Variants in MIPEP observed in about 807,000 individuals in gnomAD.
MIPEP encodes the protein mitochondrial intermediate peptidase.
In MIPEP, 79 loss-of-function variants were observed where a neutral mutation model predicts 90.3. That is an observed-to-expected ratio of 0.87 (90% confidence interval 0.73 to 1.05). MIPEP has a LOEUF of 1.05. Among genes scored for constraint, MIPEP ranks in the 50% least tolerant of loss-of-function variants. The pLI, the probability that MIPEP is intolerant of heterozygous loss-of-function variation, is 0.00. For synonymous variants in MIPEP, 334 were observed against 315.8 expected (o/e 1.06, Z -0.61); for missense variants, 940 against 905.6 (o/e 1.04, Z -0.49).
chr13:23,790,590 G>C (rs982174175), intron 16 of MIPEP, among the ~76,000 whole-genome samples: 1 of 15,998 alleles, frequency 6.3e-5, no homozygotes, highest in Non-Finnish European at 2.2e-4. Context: ...AGTAGAAGGA[G>C]GGGGAGGCAA....
At position 23,753,801 on chromosome 13, in the gene MIPEP, C is replaced by T. The variant is rs1374256308; in HGVS notation, c.2044+2744G>A. Among the ~76,000 whole-genome samples, 3 of 152,176 alleles carry T rather than the reference C, an allele frequency of 2.0e-5. No individual in the cohort carries two copies. In the East Asian group the frequency reaches 5.8e-4, roughly 29 times the overall value. ...ACTCATTCTGAAAAAGACAAATAAT[C>T]TAAAAGTTTGCCTATGTAGAACTTA... On this transcript the variant is annotated intron_variant, in intron 18 of 18. Coordinates refer to ENST00000382172, the MANE Select transcript of MIPEP (RefSeq NM_005932.4).
chr13:23,776,501 C>T (rs1952718286), intron 16 of MIPEP, among the ~76,000 whole-genome samples: 1 of 152,176 alleles, frequency 6.6e-6, no homozygotes, highest in Non-Finnish European at 1.5e-5. Context: ...TAATAGTGTT[C>T]TCACAGCACT....
At chr13:23,861,626 G>A (rs970183497) in intron 9 of MIPEP, among the ~76,000 whole-genome samples, 1 of 152,102 alleles carries the variant, frequency 6.6e-6, no homozygotes, top group Non-Finnish European at 1.5e-5. Context: ...ACTAAGTCAA[G>A]AACTAATAAC....
chr13:23,834,421 T>C (rs1868926823), intron 14 of MIPEP, among the ~76,000 whole-genome samples: 1 of 152,148 alleles, frequency 6.6e-6, no homozygotes, highest in African/African-American at 2.4e-5. Context: ...TCTCCTGGGC[T>C]TTGCCTTCGG....
At chr13:23,792,170 AC>A (rs1216142005) in intron 16 of MIPEP, among the ~76,000 whole-genome samples, 1 of 152,064 alleles carries the variant, frequency 6.6e-6, no homozygotes, top group East Asian at 1.9e-4. Flanking sequence ...TCCCATTTAT[AC>A]TTACTCTTGG....
chr13:23,806,116 A>G (rs1241248531), intron 15 of MIPEP, 47 bp from the exon 16 acceptor site: 5 of 1,607,776 alleles, frequency 3.1e-6, no homozygotes, highest in Non-Finnish European at 4.2e-6. Flanking sequence ...CCATCCTCAC[A>G]TCAAGATGTG....
intron 16 of MIPEP, among the ~76,000 whole-genome samples, chr13:23,782,771 GA>G (rs1952794390): frequency 2.0e-5 from 3 of 152,100 alleles, no homozygotes; most frequent in Admixed American, 6.6e-5. Flanking sequence ...TGATAAAGGG[GA>G]TATCTCCACC....
intron 18 of MIPEP, among the ~76,000 whole-genome samples, chr13:23,749,114 G>A (rs1280763329): frequency 1.3e-5 from 2 of 152,166 alleles, no homozygotes; most frequent in African/African-American, 2.4e-5. Context: ...AGTGCTATAA[G>A]ACAATGTAAA....
At chr13:23,883,189 G>T (rs1435287611) in intron 2 of MIPEP, among the ~76,000 whole-genome samples, 2 of 151,338 alleles carry the variant, frequency 1.3e-5, no homozygotes, top group Non-Finnish European at 2.9e-5. Flanking sequence ...TATACCCAGA[G>T]AACTACATAT....
At chr13:23,854,918 C>T (rs1471158547) in intron 10 of MIPEP, among the ~76,000 whole-genome samples, 7 of 150,008 alleles carry the variant, frequency 4.7e-5, no homozygotes, top group African/African-American at 1.7e-4. Context: ...AAACAATAAA[C>T]AAACAAACAA....
At chr13:23,743,964 CTATTA>C (rs1347559454) in intron 18 of MIPEP, among the ~76,000 whole-genome samples, 1 of 152,186 alleles carries the variant, frequency 6.6e-6, no homozygotes, top group African/African-American at 2.4e-5. Flanking sequence ...ATTTACTTGG[CTATTA>C]TTCTGGGCTG....
intron 17 of MIPEP, 125 bp from the exon 18 acceptor site, chr13:23,756,743 G>T: frequency 1.2e-6 from 1 of 865,828 alleles, no homozygotes; most frequent in Non-Finnish European, 1.8e-6. Context: ...TGACAATTTG[G>T]CCCCTATTTT....
At position 23,737,243 on chromosome 13, in the gene MIPEP, C is replaced by T. The variant is rs117612579; in HGVS notation, c.2045-6798G>A. ...CAGGGCCGTAGTCTGGTACTGCCAACGGTGGCTTGGCCCAGCTGTGACCGG... is the reference window on the plus strand; with the variant it reads ...CAGGGCCGTAGTCTGGTACTGCCAATGGTGGCTTGGCCCAGCTGTGACCGG... On this transcript the variant is annotated intron_variant, in intron 18 of 18. Transcript: ENST00000382172. 5.8e-4 allele frequency among the ~76,000 whole-genome samples: 89 copies of T among 152,328 alleles called. 1 individual carries two copies. In the East Asian group the frequency reaches 0.011, roughly 19 times the overall value.
At chr13:23,825,277 T>G (rs931740211) in intron 14 of MIPEP, among the ~76,000 whole-genome samples, 7 of 152,216 alleles carry the variant, frequency 4.6e-5, no homozygotes, top group Non-Finnish European at 8.8e-5. Flanking sequence ...AACCTAAATC[T>G]GCCAAAGTTA....
intron 18 of MIPEP, among the ~76,000 whole-genome samples, chr13:23,751,542 CAG>C (rs1437575077): frequency 6.6e-6 from 1 of 152,118 alleles, no homozygotes; most frequent in Non-Finnish European, 1.5e-5. Flanking sequence ...TGCTTTTGGC[CAG>C]AGAGATTCTG....
intron 14 of MIPEP, among the ~76,000 whole-genome samples, chr13:23,813,568 A>C (rs1286102864): frequency 6.6e-6 from 1 of 152,198 alleles, no homozygotes; most frequent in African/African-American, 2.4e-5. Context: ...ATAAATACGT[A>C]TTTATGTATA....
At chr13:23,845,128 C>T (rs1008824142) in intron 10 of MIPEP, among the ~76,000 whole-genome samples, 2 of 152,014 alleles carry the variant, frequency 1.3e-5, no homozygotes, top group Admixed American at 1.3e-4. Flanking sequence ...CACACTATCT[C>T]GCAATTTTAT....
At chr13:23,817,579 T>C (rs147656784) in intron 14 of MIPEP, among the ~76,000 whole-genome samples, 2 of 152,298 alleles carry the variant, frequency 1.3e-5, no homozygotes, top group African/African-American at 4.8e-5. Flanking sequence ...CTTTCATGAA[T>C]AATTTTTCCT....
At chr13:23,756,434 G>A (rs1952491677) in intron 18 of MIPEP, 111 bp downstream of exon 18, 2 of 1,132,050 alleles carry the variant, frequency 1.8e-6, no homozygotes, top group South Asian at 2.6e-5. Flanking sequence ...TGGGATTACA[G>A]GCATGAACCA....
Sources: gnomAD v4.1 joint callset for allele counts (sites outside exome capture counted in the v4.1 genomes callset) on GRCh38, gnomAD v4.1.1 for gene constraint, MANE v1.5 for transcripts, NCBI Gene and HGNC (gene_info 2026-07-23, HGNC 2026-07-21) for gene names.